Variants in KCNB2 observed in about 807,000 individuals in gnomAD.
The protein encoded by KCNB2 is potassium voltage-gated channel subfamily B member 2, also known as delayed rectifier potassium channel protein.
A neutral mutation model predicts 61.5 loss-of-function variants in KCNB2; 15 were observed. The observed-to-expected ratio is 0.24, with a 90% CI of 0.16 to 0.38. The LOEUF (loss-of-function observed/expected upper bound fraction) is 0.38. KCNB2 is among the 10% of genes least tolerant of loss of function. KCNB2 has a pLI of 1.00. For missense variants in KCNB2, 828 were observed against 1,125.2 expected (o/e 0.74, Z 3.78); for synonymous variants, 457 against 446.0 (o/e 1.02, Z -0.31).
At chr8:72,588,380 G>A (rs1807033658) in intron 2 of KCNB2, among the ~76,000 whole-genome samples, 1 of 151,928 alleles carries the variant, frequency 6.6e-6, no homozygotes, top group African/African-American at 2.4e-5. Context: ...CACCACGCCG[G>A]CTAATTTTGT....
At chr8:72,884,316 A>G (rs181854446) in intron 2 of KCNB2, among the ~76,000 whole-genome samples, 16 of 151,924 alleles carry the variant, frequency 1.1e-4, no homozygotes, top group Non-Finnish European at 2.1e-4. Context: ...TCTAGTAACA[A>G]TCATTTGAAG....
intron 1 of KCNB2, among the ~76,000 whole-genome samples, chr8:72,546,381 G>A (rs1456193752): frequency 1.3e-5 from 2 of 152,072 alleles, no homozygotes; most frequent in African/African-American, 2.4e-5. Flanking sequence ...AGCCAGGCAT[G>A]GTGGCAGGTG....
chr8:72,602,755 C>T lies in KCNB2; in HGVS notation c.579+34442C>T, dbSNP rs941923230. ...TCAGCTGACAGTTGGCTGATCTTTG[C>T]TCATGAGCCTGACACCTTCATGAGA... On this transcript the variant is annotated intron_variant, in intron 2 of 2. Transcript: ENST00000523207. Among the ~76,000 whole-genome samples the T allele has an allele frequency of 6.6e-5, 10 of 152,232 alleles. No homozygotes were observed. The East Asian group carries it at 1.9e-3, about 29-fold the overall frequency.
rs142931501 is a variant in KCNB2 at position 72,537,353 on chromosome 8, ACCGCCCT to A, written c.-605_-599del. The A allele has an allele frequency of 0.15, 21,770 of 148,760 alleles. 1,906 individuals are homozygous for A. Among genetic ancestry groups the A allele is most frequent in the East Asian group, 0.49 (2,335 of 4,770 alleles). 9.2% of individuals were successfully genotyped at this position (148,760 alleles called of 1,614,324 possible). On this transcript the variant is annotated 5_prime_UTR_variant, in exon 1 of 3. Coordinates refer to ENST00000523207, the MANE Select transcript of KCNB2 (RefSeq NM_004770.3). ...ACAGACACACACCCACCAAGCACCCACCGCCCTCCGCCCTCCGCCCTCCGCCCCCGCG... is the reference window on the plus strand; with the variant it reads ...ACAGACACACACCCACCAAGCACCCACCGCCCTCCGCCCTCCGCCCCCGCG...
chr8:72,929,493 A>G (rs1025003448), intron 2 of KCNB2, among the ~76,000 whole-genome samples: 1 of 152,202 alleles, frequency 6.6e-6, no homozygotes, highest in African/African-American at 2.4e-5. Flanking sequence ...AATGCCTAGA[A>G]CATACGCAGC....
chr8:72,751,513 G>A (rs1290189486), intron 2 of KCNB2: 1 of 152,034 alleles, frequency 6.6e-6, no homozygotes, highest in East Asian at 1.9e-4. Context: ...CTTCTTAACA[G>A]GAACCTTCTG....
intron 2 of KCNB2, among the ~76,000 whole-genome samples, chr8:72,852,500 C>T (rs1028588751): frequency 3.3e-5 from 5 of 151,948 alleles, no homozygotes; most frequent in African/African-American, 7.3e-5. Flanking sequence ...TTGCAGGGCC[C>T]GTAGTTCTAT....
intron 2 of KCNB2, among the ~76,000 whole-genome samples, chr8:72,655,255 T>G (rs1469772644): frequency 6.6e-6 from 1 of 151,732 alleles, no homozygotes; most frequent in Non-Finnish European, 1.5e-5. Flanking sequence ...TGAGAACATA[T>G]GGACACAAAG....
intron 2 of KCNB2, among the ~76,000 whole-genome samples, chr8:72,629,993 C>T (rs1805854404): frequency 1.3e-5 from 2 of 152,198 alleles, no homozygotes; most frequent in South Asian, 4.1e-4. Context: ...ACTCGTATAG[C>T]AAGCAGACCT....
At chr8:72,902,617 C>A (rs1435897379) in intron 2 of KCNB2, among the ~76,000 whole-genome samples, 1 of 152,032 alleles carries the variant, frequency 6.6e-6, no homozygotes, top group African/African-American at 2.4e-5. Context: ...TCTGATAAGG[C>A]CTATTGCCTA....
intron 2 of KCNB2, among the ~76,000 whole-genome samples, chr8:72,870,919 G>C (rs1719541855): frequency 6.6e-6 from 1 of 152,218 alleles, no homozygotes; most frequent in African/African-American, 2.4e-5. Context: ...AGAGGTTGCA[G>C]TGAGCCAAGA....
At chr8:72,798,087 T>A (rs1327512794) in intron 2 of KCNB2, among the ~76,000 whole-genome samples, 1 of 151,946 alleles carries the variant, frequency 6.6e-6, no homozygotes, top group Non-Finnish European at 1.5e-5. Flanking sequence ...TGGGTCAAGG[T>A]TGGAAAACAC....
chr8:72,546,044 AG>A (rs1806253010), intron 1 of KCNB2, among the ~76,000 whole-genome samples: 1 of 152,282 alleles, frequency 6.6e-6, no homozygotes, highest in East Asian at 1.9e-4. Flanking sequence ...ATATTGGTAA[AG>A]GCCCCCTGTT....
chr8:72,720,527 TC>T (rs1263850330), intron 2 of KCNB2, among the ~76,000 whole-genome samples: 1 of 152,192 alleles, frequency 6.6e-6, no homozygotes, highest in Non-Finnish European at 1.5e-5. Context: ...TCCACACTCT[TC>T]CCATCATATT....
chr8:72,855,461 G>A (rs1308221809), intron 2 of KCNB2, among the ~76,000 whole-genome samples: 1 of 151,978 alleles, frequency 6.6e-6, no homozygotes, highest in Non-Finnish European at 1.5e-5. Flanking sequence ...CCCTCCTCAA[G>A]GAAGCTTTTT....
intron 2 of KCNB2, among the ~76,000 whole-genome samples, chr8:72,827,775 T>C (rs1809619423): frequency 6.6e-6 from 1 of 151,924 alleles, no homozygotes; most frequent in South Asian, 2.1e-4. Context: ...TAATATGAAA[T>C]ATATGAGAGG....
At chr8:72,663,704 C>T (rs1806415996) in intron 2 of KCNB2, among the ~76,000 whole-genome samples, 2 of 152,090 alleles carry the variant, frequency 1.3e-5, no homozygotes, top group South Asian at 4.2e-4. Flanking sequence ...ATGCCAGATA[C>T]GCTGCAGTAA....
chr8:72,608,689 A>G (rs1003074299), intron 2 of KCNB2, among the ~76,000 whole-genome samples: 34 of 152,212 alleles, frequency 2.2e-4, no homozygotes, highest in African/African-American at 7.5e-4. Context: ...GATAAAAAAT[A>G]GAAATTACAA....
intron 2 of KCNB2, among the ~76,000 whole-genome samples, chr8:72,624,429 A>G (rs1227847991): frequency 6.6e-6 from 1 of 152,216 alleles, no homozygotes; most frequent in African/African-American, 2.4e-5. Flanking sequence ...AACAAAAAAG[A>G]TAACATTATG....
Sources: gnomAD v4.1 joint callset for allele counts (sites outside exome capture counted in the v4.1 genomes callset) on GRCh38, gnomAD v4.1.1 for gene constraint, MANE v1.5 for transcripts, NCBI Gene and HGNC (gene_info 2026-07-23, HGNC 2026-07-21) for gene names.